DNER: variants seen among roughly 807,000 people sequenced by gnomAD.
DNER encodes the protein delta and Notch-like epidermal growth factor-related receptor.
DNER carries 33 observed loss-of-function variants against 78.2 expected under a neutral mutation model. The ratio of observed to expected loss-of-function variants is 0.42; its 90% CI spans 0.32 to 0.56. The LOEUF (loss-of-function observed/expected upper bound fraction) is 0.56. Among genes scored for constraint, DNER ranks in the 20% least tolerant of loss-of-function variants. The pLI, the probability that DNER is intolerant of heterozygous loss-of-function variation, is 0.11. For missense variants in DNER, 918 were observed against 975.3 expected (o/e 0.94, Z 0.78); for synonymous variants, 417 against 384.8 (o/e 1.08, Z -0.98).
At chr2:229,565,511 G>C (rs1024167471) in intron 4 of DNER, among the ~76,000 whole-genome samples, 7 of 152,082 alleles carry the variant, frequency 4.6e-5, no homozygotes, top group African/African-American at 1.7e-4. Flanking sequence ...CCATTCATAG[G>C]ATTTGAAAGA....
chr2:229,460,070 T>C (rs1694661155), intron 7 of DNER, among the ~76,000 whole-genome samples: 1 of 137,686 alleles, frequency 7.3e-6, no homozygotes, highest in Non-Finnish European at 1.5e-5. Flanking sequence ...GGCAGGAGAA[T>C]GGCGTGAACC....
Position 229,703,019 on chromosome 2 carries a change from A to G in DNER, c.276+11129T>C, listed in dbSNP as rs749269281. Among the ~76,000 whole-genome samples, 10 of 151,692 alleles carry G rather than the reference A, an allele frequency of 6.6e-5. No individual in the cohort carries two copies. In the South Asian group the frequency reaches 8.3e-4, roughly 13 times the overall value. On this transcript the variant is annotated intron_variant, in intron 1 of 12. Coordinates refer to ENST00000341772, the MANE Select transcript of DNER (RefSeq NM_139072.4). ...CTCAATATGTGCCTGGGAGAACTGC[A>G]TTTCTCTAGCTCCTCACCTGTGGTA...
At chr2:229,513,516 T>C (rs1695914257) in intron 5 of DNER, among the ~76,000 whole-genome samples, 1 of 152,212 alleles carries the variant, frequency 6.6e-6, no homozygotes, top group Non-Finnish European at 1.5e-5. Context: ...ATTAACATTA[T>C]CTTAGTAAAA....
chr2:229,695,156 C>G (rs891543425), intron 1 of DNER, among the ~76,000 whole-genome samples: 2 of 152,274 alleles, frequency 1.3e-5, no homozygotes, highest in African/African-American at 4.8e-5. Flanking sequence ...TGTAAATTTC[C>G]TGAGGCCTCC....
At chr2:229,472,329 G>A (rs1694941095) in intron 7 of DNER, among the ~76,000 whole-genome samples, 2 of 152,148 alleles carry the variant, frequency 1.3e-5, no homozygotes, top group South Asian at 2.1e-4. Context: ...CGTTTGACCA[G>A]CTGTGCTCTC....
At chr2:229,572,158 G>A (rs925248113) in intron 4 of DNER, among the ~76,000 whole-genome samples, 9 of 152,040 alleles carry the variant, frequency 5.9e-5, no homozygotes, top group Middle Eastern at 3.2e-3. Context: ...TACTCACACC[G>A]TTCCCCTTTA....
intron 6 of DNER, among the ~76,000 whole-genome samples, chr2:229,482,476 C>T (rs1186624283): frequency 1.3e-5 from 2 of 152,228 alleles, no homozygotes; most frequent in Non-Finnish European, 2.9e-5. Flanking sequence ...CACGGTGTGG[C>T]CCCTGCACCC....
chr2:229,710,845 C>A (rs367891647), intron 1 of DNER, among the ~76,000 whole-genome samples: 1 of 152,218 alleles, frequency 6.6e-6, no homozygotes, highest in East Asian at 1.9e-4. Context: ...AGAAATGTCA[C>A]AGGTGCTCAG....
chr2:229,516,611 T>A (rs1302952719), intron 5 of DNER, among the ~76,000 whole-genome samples: 1 of 151,838 alleles, frequency 6.6e-6, no homozygotes. Flanking sequence ...AAGTCAAATA[T>A]GCCATTTGTA....
In DNER at chr2:229,369,880, C is replaced by T. The variant is rs567129573; in HGVS notation, c.1856-2761G>A. Among the ~76,000 whole-genome samples, 4 of 152,256 alleles carry T rather than the reference C, an allele frequency of 2.6e-5. No homozygotes were observed. In the East Asian group the frequency reaches 7.7e-4, roughly 29 times the overall value. ...CTGAACTCATATGGAAAAAAGGATG[C>T]TTTCTCTACTTTACTCACACCACCA... On this transcript the variant is annotated intron_variant, in intron 11 of 12. Coordinates refer to ENST00000341772, the MANE Select transcript of DNER (RefSeq NM_139072.4).
chr2:229,494,212 C>T (rs1310407909), intron 6 of DNER, among the ~76,000 whole-genome samples: 1 of 152,168 alleles, frequency 6.6e-6, no homozygotes, highest in Non-Finnish European at 1.5e-5. Flanking sequence ...CCCCAAATGT[C>T]TCAACTCATT....
chr2:229,481,225 A>G (rs148202583), intron 6 of DNER, among the ~76,000 whole-genome samples: 177 of 152,276 alleles, frequency 1.2e-3, no homozygotes, highest in Non-Finnish European at 2.2e-3. Flanking sequence ...GGAGCTCAAG[A>G]CCTGACAATC....
chr2:229,551,799 G>A (rs1376913435), intron 4 of DNER, among the ~76,000 whole-genome samples: 2 of 152,114 alleles, frequency 1.3e-5, no homozygotes, highest in Non-Finnish European at 2.9e-5. Context: ...GGGCATGGTG[G>A]TGGGTGCCTG....
chr2:229,688,970 C>G (rs1356106001), intron 1 of DNER, among the ~76,000 whole-genome samples: 1 of 152,130 alleles, frequency 6.6e-6, no homozygotes, highest in Non-Finnish European at 1.5e-5. Flanking sequence ...AGGGGAACAA[C>G]ACACAATGGG....
chr2:229,484,745 AAG>A (rs1695235263), intron 6 of DNER, among the ~76,000 whole-genome samples: 1 of 152,180 alleles, frequency 6.6e-6, no homozygotes, highest in Non-Finnish European at 1.5e-5. Context: ...TCCTACAACA[AAG>A]AATTATCCAA....
chr2:229,363,615 G>A (rs952760908), intron 12 of DNER, among the ~76,000 whole-genome samples: 5 of 152,194 alleles, frequency 3.3e-5, no homozygotes, highest in African/African-American at 7.2e-5. Context: ...GAGCTTGCCC[G>A]TTAGGAATTC....
At chr2:229,537,401 A>G (rs1482962141) in intron 5 of DNER, among the ~76,000 whole-genome samples, 1 of 152,230 alleles carries the variant, frequency 6.6e-6, no homozygotes, top group Non-Finnish European at 1.5e-5. Context: ...GTTGCTCAGC[A>G]GTAGGAACCC....
chr2:229,405,952 C>T (rs187504021), intron 10 of DNER, among the ~76,000 whole-genome samples: 10 of 152,272 alleles, frequency 6.6e-5, no homozygotes, highest in Middle Eastern at 3.4e-3. Flanking sequence ...TAAATGTCTG[C>T]GTGTGTTTAT....
intron 11 of DNER, among the ~76,000 whole-genome samples, chr2:229,383,514 C>A (rs1692793448): frequency 6.6e-6 from 1 of 152,004 alleles, no homozygotes; most frequent in African/African-American, 2.4e-5. Flanking sequence ...TTCAGGAGAC[C>A]CACCTCACAT....
Sources: allele counts gnomAD v4.1 joint callset (sites outside exome capture counted in the v4.1 genomes callset), GRCh38; gene constraint gnomAD v4.1.1; transcripts MANE v1.5; gene names NCBI Gene and HGNC (gene_info 2026-07-23, HGNC 2026-07-21).